Variants in ADIPOR2 observed in about 807,000 individuals in gnomAD.
The protein encoded by ADIPOR2 is adiponectin receptor protein 2.
Under a neutral mutation model 40.9 loss-of-function variants are expected in ADIPOR2, and 18 were observed. The observed-to-expected ratio is 0.44, with a 90% CI of 0.30 to 0.65. ADIPOR2 has a LOEUF of 0.65. ADIPOR2 is among the 30% of genes least tolerant of loss of function. The pLI is 0.09. For synonymous variants in ADIPOR2, 165 were observed against 166.4 expected, an observed-to-expected ratio of 0.99 and a Z score of 0.06; for missense variants, 283 against 479.2, an observed-to-expected ratio of 0.59 and a Z score of 3.82.
Position 1,786,274 on chromosome 12 carries a change from C to A in ADIPOR2, c.*202C>A. The A allele has an allele frequency of 1.7e-6, 1 of 585,964 alleles. No homozygotes were observed. Among genetic ancestry groups the A allele is most frequent in the Non-Finnish European group, 2.8e-6 (1 of 362,352 alleles). The allele number at this position is 585,964 out of a possible 1,614,324, so 36.3% of individuals were successfully genotyped here. On this transcript the variant is annotated 3_prime_UTR_variant, in exon 8 of 8. Coordinates refer to ENST00000357103, the MANE Select transcript of ADIPOR2 (RefSeq NM_024551.3). ...AAATCATACCTCAAAGGATGGAGTG[C>A]ATCAATTGGGAGAAAAGGAGACATA...
At chr12:1,696,472 T>G (rs1389913769) in intron 1 of ADIPOR2, 2 of 151,816 alleles carry the variant, frequency 1.3e-5, no homozygotes, top group Non-Finnish European at 2.9e-5. Flanking sequence ...CGTAGCTTAC[T>G]GCAACCTCCG....
At chr12:1,757,017 A>T (rs1862147639) in intron 2 of ADIPOR2, among the ~76,000 whole-genome samples, 1 of 152,168 alleles carries the variant, frequency 6.6e-6, no homozygotes, top group African/African-American at 2.4e-5. Flanking sequence ...TATATTGAGG[A>T]GTCAGTAACT....
chr12:1,770,177 C>G (rs938244358), intron 2 of ADIPOR2, among the ~76,000 whole-genome samples: 1 of 152,130 alleles, frequency 6.6e-6, no homozygotes, highest in South Asian at 2.1e-4. Flanking sequence ...CTGTCTTGGC[C>G]GCTATCAGTA....
At chr12:1,760,491 C>A (rs568070049) in intron 2 of ADIPOR2, among the ~76,000 whole-genome samples, 2 of 152,248 alleles carry the variant, frequency 1.3e-5, no homozygotes, top group South Asian at 4.1e-4. Flanking sequence ...CCATCTCTAC[C>A]CCCAACCCTA....
At chr12:1,767,126 C>G (rs763463805) in intron 2 of ADIPOR2, among the ~76,000 whole-genome samples, 3 of 151,992 alleles carry the variant, frequency 2.0e-5, no homozygotes, top group Non-Finnish European at 4.4e-5. Flanking sequence ...AAATAATTAG[C>G]CGGGCGTGGT....
At chr12:1,716,668 A>G (rs905034370) in intron 1 of ADIPOR2, among the ~76,000 whole-genome samples, 2 of 152,240 alleles carry the variant, frequency 1.3e-5, no homozygotes, top group African/African-American at 2.4e-5. Flanking sequence ...TAGAAGATGC[A>G]TCTGGTTTTG....
intron 4 of ADIPOR2, 152 bp downstream of exon 4, chr12:1,778,177 C>T: frequency 1.1e-6 from 1 of 892,792 alleles, no homozygotes; most frequent in African/African-American, 1.7e-5. Context: ...GACTGGTTTA[C>T]TCGTAGTTTA....
rs991826519 is a variant in ADIPOR2, at chr12:1,788,304, G to A, written c.*2232G>A. 5.2e-5 allele frequency: 8 copies of A among 152,648 alleles called. No homozygotes were observed. Among genetic ancestry groups the A allele is most frequent in the African/African-American group, 1.4e-4 (6 of 41,452 alleles). 9.5% of individuals were successfully genotyped at this position (152,648 alleles called of 1,614,324 possible). On this transcript the variant is annotated 3_prime_UTR_variant, in exon 8 of 8. Transcript: ENST00000357103. ...TGCCCATTTCTATGTGTGTGTCTACGTGCAGCTCACTACCAACAGCCTCAT... is the reference window on the plus strand; with the variant it reads ...TGCCCATTTCTATGTGTGTGTCTACATGCAGCTCACTACCAACAGCCTCAT...
Position 1,754,920 on chromosome 12 carries a change from G to A in ADIPOR2, c.171+406G>A, listed in dbSNP as rs1210473640. Among the ~76,000 whole-genome samples the A allele has an allele frequency of 4.7e-5, 4 of 84,336 alleles. 2 individuals are homozygous for A. Among genetic ancestry groups the A allele is most frequent in the Non-Finnish European group, 1.4e-4 (4 of 29,542 alleles). The allele number at this position is 84,336 out of a possible 152,430, so 55.3% of individuals were successfully genotyped here. ...AGCAGAGATGAGGTTTTGCCATGTT[G>A]GCCAGGCTGGTCTCGAACTCCTTAC... On this transcript the variant is annotated intron_variant, in intron 2 of 7. Transcript: ENST00000357103.
chr12:1,738,632 A>C (rs2094736254), intron 1 of ADIPOR2, among the ~76,000 whole-genome samples: 1 of 152,134 alleles, frequency 6.6e-6, no homozygotes, highest in African/African-American at 2.4e-5. Context: ...TTGAATTGCT[A>C]GTGGTTTATG....
intron 1 of ADIPOR2, among the ~76,000 whole-genome samples, chr12:1,720,437 A>C (rs962394974): frequency 1.3e-5 from 2 of 152,200 alleles, no homozygotes; most frequent in Non-Finnish European, 2.9e-5. Flanking sequence ...TATATAATGA[A>C]ATAATTATAT....
intron 1 of ADIPOR2, among the ~76,000 whole-genome samples, chr12:1,736,189 C>A (rs1407050477): frequency 6.6e-6 from 1 of 152,046 alleles, no homozygotes. Flanking sequence ...CTCCTTGTAC[C>A]TCTGGTAGAA....
chr12:1,711,918 A>G (rs1021267189), intron 1 of ADIPOR2, among the ~76,000 whole-genome samples: 3 of 152,122 alleles, frequency 2.0e-5, no homozygotes, highest in African/African-American at 7.3e-5. Flanking sequence ...TCCATATTGC[A>G]TCATGGGCAC....
chr12:1,740,502 C>G (rs12301668), intron 1 of ADIPOR2, among the ~76,000 whole-genome samples: 1,794 of 151,836 alleles, frequency 0.012, 43 homozygotes, highest in African/African-American at 0.042. Flanking sequence ...TAGGCCCCCC[C>G]ACCTTGTAAC....
At chr12:1,749,687 T>TA (rs561015254) in intron 1 of ADIPOR2, among the ~76,000 whole-genome samples, 126 of 152,290 alleles carry the variant, frequency 8.3e-4, no homozygotes, top group African/African-American at 2.9e-3. Flanking sequence ...CATGTAAGTT[T>TA]TATAATGAGT....
rs2094663866 is a variant in ADIPOR2 at position 1,706,730 on chromosome 12, A to G, written c.-87+15539A>G. ...AGGTAATGGAATTTCTGTTATCTCCAAAACCTTCCTCGTGTCCCTCACAGT... is the reference window on the plus strand; with the variant it reads ...AGGTAATGGAATTTCTGTTATCTCCGAAACCTTCCTCGTGTCCCTCACAGT... On this transcript the variant is annotated intron_variant, in intron 1 of 7. Transcript: ENST00000357103. 3.3e-5 allele frequency among the ~76,000 whole-genome samples: 5 copies of G among 152,128 alleles called. No individual in the cohort carries two copies. The South Asian group carries it at 8.3e-4, about 25-fold the overall frequency.
At chr12:1,746,154 A>G (rs949411578) in intron 1 of ADIPOR2, among the ~76,000 whole-genome samples, 3 of 152,214 alleles carry the variant, frequency 2.0e-5, no homozygotes, top group Admixed American at 2.0e-4. Flanking sequence ...TCACATGCAA[A>G]TAGTAACTAA....
At chr12:1,773,337 C>A (rs1862524803) in intron 3 of ADIPOR2, among the ~76,000 whole-genome samples, 1 of 152,170 alleles carries the variant, frequency 6.6e-6, no homozygotes, top group Non-Finnish European at 1.5e-5. Flanking sequence ...TGCTGAGTGA[C>A]TGCAATGGCA....
At chr12:1,693,937 G>C (rs1298968256) in intron 1 of ADIPOR2, among the ~76,000 whole-genome samples, 1 of 152,076 alleles carries the variant, frequency 6.6e-6, no homozygotes, top group Non-Finnish European at 1.5e-5. Context: ...CTTATGAACC[G>C]GGTTTTCATG....
Sources: gnomAD v4.1 joint callset for allele counts (sites outside exome capture counted in the v4.1 genomes callset) on GRCh38, gnomAD v4.1.1 for gene constraint, MANE v1.5 for transcripts, NCBI Gene and HGNC (gene_info 2026-07-23, HGNC 2026-07-21) for gene names.